The following SMARCA4 variants were observed in gnomAD, a reference collection of about 807,000 sequenced individuals.
SMARCA4 encodes SWI/SNF related BAF chromatin remodeling complex subunit ATPase 4.
Under a neutral mutation model 193.9 loss-of-function variants are expected in SMARCA4, and 31 were observed. The ratio of observed to expected loss-of-function variants is 0.16; its 90% CI spans 0.12 to 0.22. SMARCA4 has a LOEUF of 0.22. Ranked by LOEUF, SMARCA4 falls within the 10% of genes least tolerant of loss-of-function variation. The pLI, the probability that SMARCA4 is intolerant of heterozygous loss-of-function variation, is 1.00. For missense variants in SMARCA4, 1,148 were observed against 2,296.0 expected, an observed-to-expected ratio of 0.50 and a Z score of 10.22; for synonymous variants, 942 against 933.1, an observed-to-expected ratio of 1.01 and a Z score of -0.17.
chr19:11,023,248 G>T (rs1297877025), intron 19 of SMARCA4, among the ~76,000 whole-genome samples: 2 of 152,234 alleles, frequency 1.3e-5, no homozygotes, highest in Admixed American at 1.3e-4. Flanking sequence ...GGTCTTTCTG[G>T]TGAGGCACAG....
At chr19:11,009,687 C>CT (rs1275036196) in intron 14 of SMARCA4, among the ~76,000 whole-genome samples, 4,170 of 126,372 alleles carry the variant, frequency 0.033, 120 homozygotes, top group Non-Finnish European at 0.04. Context: ...GCCCGGCTAA[C>CT]TTTTTTTTTT....
intron 30 of SMARCA4, among the ~76,000 whole-genome samples, chr19:11,051,166 CTGTT>C (rs755725418): frequency 1.3e-5 from 2 of 152,388 alleles, no homozygotes; most frequent in South Asian, 2.1e-4. Flanking sequence ...TCCCCCTCCT[CTGTT>C]TGTGAGTCGG....
chr19:11,044,484 G>A (rs1235497321), intron 30 of SMARCA4, among the ~76,000 whole-genome samples: 1 of 152,134 alleles, frequency 6.6e-6, no homozygotes, highest in African/African-American at 2.4e-5. Context: ...GGGAACAGAC[G>A]CCTCCTTACA....
At chr19:11,015,643 C>T (rs1373749227) in intron 16 of SMARCA4, among the ~76,000 whole-genome samples, 1 of 152,118 alleles carries the variant, frequency 6.6e-6, no homozygotes, top group Non-Finnish European at 1.5e-5. Flanking sequence ...CTACTTTCCT[C>T]AATAATTTCA....
chr19:11,060,169 T>TGAGGAGGAACAA lies in SMARCA4; in HGVS notation c.4901_4911+1dup. The TGAGGAGGAACAA allele has an allele frequency of 6.4e-7, 1 of 1,550,740 alleles. No individual in the cohort carries two copies. Among genetic ancestry groups the TGAGGAGGAACAA allele is most frequent in the Non-Finnish European group, 8.7e-7 (1 of 1,146,636 alleles). ...AGCCGGTCGTGAGTGACGATGACAG[T>TGAGGAGGAACAA]GAGGAGGAACAAGAGGAGGTGAGGC... On this transcript the variant is annotated inframe_insertion, in exon 34 of 35. Transcript: ENST00000344626.
chr19:11,003,226 G>A lies in SMARCA4; in HGVS notation c.1943+67G>A, dbSNP rs2288844. The A allele has an allele frequency of 0.24, 385,054 of 1,610,610 alleles. 47,838 individuals are homozygous for A. The highest frequency in any genetic ancestry group is 0.32 in the South Asian group (28,677 of 90,956). ...TCCTCGGTGGGCCTTGTTCCAGGGA[G>A]GTGGCAGCCAGGAGCAATTTTACTT... is the stretch of plus-strand genomic sequence containing the variant. On this transcript the variant is annotated intron_variant, in intron 12 of 34. Transcript: ENST00000344626.
At chr19:11,039,619 C>A in intron 29 of SMARCA4, 2 of 828,804 alleles carry the variant, frequency 2.4e-6, no homozygotes, top group Non-Finnish European at 3.7e-6. Context: ...GCCTAATGCC[C>A]CTGAACTGTG....
At chr19:11,055,922 C>G (rs907475128) in intron 30 of SMARCA4, among the ~76,000 whole-genome samples, 3 of 152,318 alleles carry the variant, frequency 2.0e-5, no homozygotes, top group East Asian at 1.9e-4. Flanking sequence ...AATGGCAAAG[C>G]GCGCTGCTTT....
At chr19:10,974,611 G>C (rs2084946148) in intron 1 of SMARCA4, among the ~76,000 whole-genome samples, 2 of 140,242 alleles carry the variant, frequency 1.4e-5, no homozygotes, top group South Asian at 4.4e-4. Context: ...TGGCTGTGCT[G>C]ACAGCGGTTT....
chr19:11,006,313 T>G (rs2088195794), intron 13 of SMARCA4, among the ~76,000 whole-genome samples: 1 of 152,218 alleles, frequency 6.6e-6, no homozygotes, highest in Non-Finnish European at 1.5e-5. Context: ...TGATGCAACA[T>G]GAATGATTAA....
rs777151457 is a variant in SMARCA4, at chr19:11,023,652, G to A, written c.2973+21G>A. 2.7e-6 allele frequency: 4 copies of A among 1,489,866 alleles called. No individual in the cohort carries two copies. In the East Asian group the frequency reaches 9.1e-5, roughly 34 times the overall value. 92.3% of individuals were successfully genotyped at this position (1,489,866 alleles called of 1,614,324 possible). ...AAAAGGTGATGGAGTTTTGAGGGGA[G>A]CCACCAGTGAAGCAGCCTCACGTGG... On this transcript the variant is annotated intron_variant, in intron 20 of 34. Coordinates refer to ENST00000344626, the MANE Select transcript of SMARCA4 (RefSeq NM_003072.5).
chr19:11,001,181 A>T (rs1052468314), intron 11 of SMARCA4, among the ~76,000 whole-genome samples: 7 of 152,046 alleles, frequency 4.6e-5, no homozygotes, highest in African/African-American at 1.4e-4. Flanking sequence ...CCTTTTTCTA[A>T]GTAGTAGCTG....
rs2075583668 is a variant in SMARCA4, at chr19:11,041,156, T to C, written c.4171-151T>C. On this transcript the variant is annotated intron_variant, in intron 29 of 34. Transcript: ENST00000344626. The surrounding 1 kb of genome is among the most constrained non-coding windows in gnomAD (Gnocchi z 5.6). ...CCCAGGCACCCCTTGAGAGTCCCAG[T>C]GTGTGTTATGCCCCGAGCCAGTCAA... 5 of 764,562 alleles carry C rather than the reference T, an allele frequency of 6.5e-6. No homozygotes were observed. The highest frequency in any genetic ancestry group is 5.1e-5 in the South Asian group (3 of 58,826). The allele number at this position is 764,562 out of a possible 1,614,324, so 47.4% of individuals were successfully genotyped here. A position where few individuals can be genotyped will look rare whatever the true frequency, so the allele number is the denominator to read the frequency against.
intron 30 of SMARCA4, among the ~76,000 whole-genome samples, chr19:11,044,772 A>C (rs1485113657): frequency 6.6e-6 from 1 of 152,190 alleles, no homozygotes; most frequent in Non-Finnish European, 1.5e-5. Context: ...CAGCCTGTAC[A>C]TACCCTCTGA....
At chr19:10,967,227 A>G (rs932601705) in intron 1 of SMARCA4, among the ~76,000 whole-genome samples, 2 of 152,178 alleles carry the variant, frequency 1.3e-5, no homozygotes, top group Non-Finnish European at 1.5e-5. Context: ...GTTTGTTGTT[A>G]CAGGGCAGAG....
At chr19:11,014,951 T>C (rs1343497495) in intron 16 of SMARCA4, among the ~76,000 whole-genome samples, 1 of 152,052 alleles carries the variant, frequency 6.6e-6, no homozygotes, top group Non-Finnish European at 1.5e-5. Flanking sequence ...TAGCTGGGAT[T>C]AGAGGCACGC....
intron 21 of SMARCA4, among the ~76,000 whole-genome samples, chr19:11,025,051 C>T (rs1455072038): frequency 6.6e-6 from 1 of 151,096 alleles, no homozygotes; most frequent in African/African-American, 2.4e-5. Context: ...GCTCACCCGG[C>T]TGAGGCCCTC....
At chr19:11,022,739 C>T (rs2089968863) in intron 19 of SMARCA4, among the ~76,000 whole-genome samples, 1 of 152,176 alleles carries the variant, frequency 6.6e-6, no homozygotes, top group Non-Finnish European at 1.5e-5. Context: ...GTTCCCTGCC[C>T]TCTCGGCTGC....
intron 11 of SMARCA4, among the ~76,000 whole-genome samples, chr19:11,000,192 C>A (rs2087492654): frequency 6.7e-6 from 1 of 149,492 alleles, no homozygotes; most frequent in Admixed American, 6.7e-5. Context: ...ATGGCCATTG[C>A]ACTCCAGCCT....
Sources: gnomAD v4.1 joint callset for allele counts (sites outside exome capture counted in the v4.1 genomes callset) on GRCh38, gnomAD v4.1.1 for gene constraint, Gnocchi (gnomAD v3.1) non-coding constraint, MANE v1.5 for transcripts, NCBI Gene and HGNC (gene_info 2026-07-23, HGNC 2026-07-21) for gene names.